The following DNAJC5B variants were observed in gnomAD, a reference collection of about 807,000 sequenced individuals.
DNAJC5B encodes DnaJ heat shock protein family (Hsp40) member C5 beta.
A neutral mutation model predicts 24.7 loss-of-function variants in DNAJC5B; 23 were observed. That is an observed-to-expected ratio of 0.93 (90% CI 0.67 to 1.32). DNAJC5B has a LOEUF of 1.32. Among genes scored for constraint, DNAJC5B ranks in the 40% most tolerant of loss-of-function variants. DNAJC5B has a pLI of 0.00. For missense variants in DNAJC5B, 238 were observed against 240.8 expected (o/e 0.99, Z 0.08); for synonymous variants, 101 against 90.1 (o/e 1.12, Z -0.68).
intron 5 of DNAJC5B, among the ~76,000 whole-genome samples, chr8:66,092,163 A>T (rs1563613063): frequency 6.6e-6 from 1 of 152,214 alleles, no homozygotes; most frequent in Non-Finnish European, 1.5e-5. Flanking sequence ...GGTTGGTTTT[A>T]AGTTATGTGA....
chr8:66,031,453 C>T (rs180817144), intron 1 of DNAJC5B, among the ~76,000 whole-genome samples: 122 of 152,288 alleles, frequency 8.0e-4, no homozygotes, highest in South Asian at 1.4e-3. Flanking sequence ...TAAAAGCAAC[C>T]TATTTTTTTT....
chr8:66,076,940 C>G, intron 4 of DNAJC5B, 67 bp downstream of exon 4: 12 of 1,539,540 alleles, frequency 7.8e-6, no homozygotes, highest in Non-Finnish European at 1.1e-5. Flanking sequence ...CTTTTAGATT[C>G]CATCTCAAAG....
chr8:66,096,819 T>C (rs920154031), intron 5 of DNAJC5B, among the ~76,000 whole-genome samples: 3 of 152,190 alleles, frequency 2.0e-5, no homozygotes, highest in Non-Finnish European at 4.4e-5. Flanking sequence ...AATAGAGTAC[T>C]ATATCCATTG....
chr8:66,017,384 G>A (rs983280914), upstream of DNAJC5B, among the ~76,000 whole-genome samples: 5 of 152,262 alleles, frequency 3.3e-5, no homozygotes, highest in Middle Eastern at 3.4e-3. Flanking sequence ...TTGAGAAAAT[G>A]TTATGATTTT....
Position 66,076,795 on chromosome 8 carries a change from G to T in DNAJC5B, c.255G>T (p.Ser85=), listed in dbSNP as rs1016078629. 6.2e-7 allele frequency: 1 copy of T among 1,614,018 alleles called. No individual in the cohort carries two copies. Among genetic ancestry groups the T allele is most frequent in the Non-Finnish European group, 8.5e-7 (1 of 1,180,018 alleles). ...SKRSIYDKYG[S]LGLYVAEQFG... The stretch of plus-strand genomic sequence containing the variant: ...GAAGCATATACGACAAGTACGGATC[G>T]CTGGGACTCTACGTGGCCGAGCAGT... Residue 85 remains serine, a synonymous_variant, in exon 4 of 6, where the codon TCG becomes TCT. Transcript: ENST00000276570.
At chr8:66,026,368 C>T (rs1485478462) in intron 1 of DNAJC5B, among the ~76,000 whole-genome samples, 1 of 152,170 alleles carries the variant, frequency 6.6e-6, no homozygotes, top group East Asian at 1.9e-4. Context: ...CAAATCTCTC[C>T]AGTAAAATGA....
intron 5 of DNAJC5B, among the ~76,000 whole-genome samples, chr8:66,093,233 C>T (rs1807883608): frequency 1.3e-5 from 2 of 152,120 alleles, no homozygotes; most frequent in South Asian, 2.1e-4. Flanking sequence ...TGCATGAATG[C>T]TAGAGTTTTT....
chr8:66,044,331 G>A (rs1018994676), intron 2 of DNAJC5B, among the ~76,000 whole-genome samples: 1 of 152,178 alleles, frequency 6.6e-6, no homozygotes, highest in East Asian at 1.9e-4. Flanking sequence ...GCCATGGAAA[G>A]TGTGTTTGCT....
intron 1 of DNAJC5B, among the ~76,000 whole-genome samples, chr8:66,033,775 T>C (rs984255870): frequency 7.1e-6 from 1 of 141,708 alleles, no homozygotes; most frequent in Non-Finnish European, 1.6e-5. Context: ...TTCCGCTTTT[T>C]TTTTTTTTTT....
At chr8:66,042,842 T>A (rs1586074482) in intron 1 of DNAJC5B, among the ~76,000 whole-genome samples, 1 of 151,714 alleles carries the variant, frequency 6.6e-6, no homozygotes, top group East Asian at 1.9e-4. Flanking sequence ...GTGCTCTGAA[T>A]CATTCACACA....
chr8:66,041,609 T>C (rs1806610652), intron 1 of DNAJC5B, among the ~76,000 whole-genome samples: 1 of 152,230 alleles, frequency 6.6e-6, no homozygotes, highest in African/African-American at 2.4e-5. Context: ...TGGTTCAATC[T>C]TGGAAGATAT....
At chr8:66,036,879 G>A (rs1370923660) in intron 1 of DNAJC5B, among the ~76,000 whole-genome samples, 7 of 152,212 alleles carry the variant, frequency 4.6e-5, no homozygotes, top group Non-Finnish European at 8.8e-5. Flanking sequence ...CACGCCCAGG[G>A]CCTGGGGCAG....
intron 3 of DNAJC5B, among the ~76,000 whole-genome samples, chr8:66,068,961 T>C (rs772572102): frequency 6.6e-6 from 1 of 152,106 alleles, no homozygotes; most frequent in Non-Finnish European, 1.5e-5. Context: ...AGGTAACTGA[T>C]AACCTACAAT....
At chr8:66,070,986 A>G (rs541777159) in intron 3 of DNAJC5B, among the ~76,000 whole-genome samples, 4 of 152,314 alleles carry the variant, frequency 2.6e-5, no homozygotes, top group African/African-American at 9.6e-5. Context: ...TGTTGGGAAA[A>G]CTGGCTAACC....
Position 66,076,774 on chromosome 8 carries a change from C to T in DNAJC5B, c.234C>T (p.Ser78=), listed in dbSNP as rs1286516499. 6 of 1,614,194 alleles carry T rather than the reference C, an allele frequency of 3.7e-6. No homozygotes were observed. Among genetic ancestry groups the T allele is most frequent in the Non-Finnish European group, 4.2e-6 (5 of 1,180,026 alleles). The change falls in exon 4 of 6, where the codon AGC becomes AGT. Residue 78 remains serine, a synonymous_variant. Coordinates refer to ENST00000276570, the MANE Select transcript of DNAJC5B (RefSeq NM_033105.6). Reference sequence around the variant, plus strand: ...TACTTACCGACATTTCAAAGAGAAGCATATACGACAAGTACGGATCGCTGG... The same window carrying T: ...TACTTACCGACATTTCAAAGAGAAGTATATACGACAAGTACGGATCGCTGG... ...HAILTDISKR[S]IYDKYGSLGL... is the part of the protein sequence containing the mutation.
intron 5 of DNAJC5B, among the ~76,000 whole-genome samples, chr8:66,083,766 G>A (rs902456081): frequency 7.2e-5 from 11 of 152,100 alleles, no homozygotes; most frequent in African/African-American, 1.9e-4. Context: ...CCACAAAAAC[G>A]TATCCCACTA....
At chr8:66,070,184 A>G (rs976126253) in intron 3 of DNAJC5B, among the ~76,000 whole-genome samples, 2 of 152,226 alleles carry the variant, frequency 1.3e-5, no homozygotes, top group African/African-American at 4.8e-5. Context: ...ACTCCTATTC[A>G]ACATAGCAGT....
intron 5 of DNAJC5B, among the ~76,000 whole-genome samples, chr8:66,084,838 G>GT (rs1379746200): frequency 2.6e-5 from 4 of 152,110 alleles, no homozygotes; most frequent in Admixed American, 6.5e-5. Context: ...TTTATCAGTT[G>GT]TTTTTTAAGT....
intron 3 of DNAJC5B, among the ~76,000 whole-genome samples, chr8:66,075,159 C>T (rs914175022): frequency 2.0e-5 from 3 of 151,986 alleles, no homozygotes; most frequent in African/African-American, 7.3e-5. Context: ...CTCCACCTCC[C>T]GGGTTCAAGC....
Sources: gnomAD v4.1 joint callset for allele counts (sites outside exome capture counted in the v4.1 genomes callset) on GRCh38, gnomAD v4.1.1 for gene constraint, MANE v1.5 for transcripts, NCBI Gene and HGNC (gene_info 2026-07-23, HGNC 2026-07-21) for gene names.